ADCY2: variants seen among roughly 807,000 people sequenced by gnomAD.
ADCY2 encodes the protein adenylate cyclase 2, also known as adenylate cyclase type 2.
A neutral mutation model predicts 125.2 loss-of-function variants in ADCY2; 31 were observed. The observed-to-expected ratio is 0.25, with a 90% confidence interval of 0.19 to 0.33. The LOEUF is 0.33. ADCY2 is among the 10% of genes least tolerant of loss of function. The probability of loss-of-function intolerance (pLI) is 1.00; values close to 1 mark genes in which losing one functional copy is unlikely to be tolerated. For missense variants in ADCY2, 904 were observed against 1,418.2 expected, an observed-to-expected ratio of 0.64 and a Z score of 5.82; for synonymous variants, 512 against 548.4, an observed-to-expected ratio of 0.93 and a Z score of 0.93.
intron 14 of ADCY2, among the ~76,000 whole-genome samples, chr5:7,733,696 T>C (rs1214201903): frequency 6.6e-6 from 1 of 152,144 alleles, no homozygotes; most frequent in South Asian, 2.1e-4. Flanking sequence ...CTATGTAGTA[T>C]TTAAATCCAA....
chr5:7,458,546 C>G (rs1741796005), intron 2 of ADCY2, among the ~76,000 whole-genome samples: 1 of 152,054 alleles, frequency 6.6e-6, no homozygotes, highest in African/African-American at 2.4e-5. Context: ...TGTCAGTCTG[C>G]TCTGAACTTC....
chr5:7,488,276 C>T (rs1169879817), intron 2 of ADCY2, among the ~76,000 whole-genome samples: 1 of 152,194 alleles, frequency 6.6e-6, no homozygotes, highest in East Asian at 1.9e-4. Flanking sequence ...CACCCGTTTG[C>T]TCTTCCTTCG....
chr5:7,817,014 G>T, intron 23 of ADCY2, 34 bp downstream of exon 23: 1 of 1,538,606 alleles, frequency 6.5e-7, no homozygotes, highest in Non-Finnish European at 9.0e-7. Flanking sequence ...GGTTTCAGTT[G>T]TGGCAAAGAT....
chr5:7,414,518 G>A (rs1739859121), intron 1 of ADCY2, 55 bp from the exon 2 acceptor site: 1 of 1,387,616 alleles, frequency 7.2e-7, no homozygotes, highest in Non-Finnish European at 9.8e-7. Flanking sequence ...ATAAATCATT[G>A]GTATCACAGT....
chr5:7,765,617 ATTAGT>A (rs1743352004), intron 16 of ADCY2, among the ~76,000 whole-genome samples: 3 of 152,230 alleles, frequency 2.0e-5, no homozygotes, highest in African/African-American at 4.8e-5. Context: ...GTCCAAATAA[ATTAGT>A]TTAGGTATTT....
intron 3 of ADCY2, among the ~76,000 whole-genome samples, chr5:7,580,454 A>G (rs1736393842): frequency 6.6e-6 from 1 of 152,202 alleles, no homozygotes; most frequent in Non-Finnish European, 1.5e-5. Flanking sequence ...ATGTTAATAT[A>G]TTAATGAGTG....
chr5:7,716,218 A>G (rs1293568435), intron 11 of ADCY2, among the ~76,000 whole-genome samples: 2 of 152,186 alleles, frequency 1.3e-5, no homozygotes, highest in Admixed American at 6.5e-5. Context: ...TTTTCTGTGA[A>G]TAGTGCTTTG....
intron 4 of ADCY2, among the ~76,000 whole-genome samples, chr5:7,682,373 A>G (rs557702713): frequency 1.3e-5 from 2 of 152,276 alleles, no homozygotes; most frequent in African/African-American, 4.8e-5. Context: ...TTTAAGGTGA[A>G]AGTTAGCAGA....
chr5:7,726,868 C>T (rs944000176), intron 13 of ADCY2, among the ~76,000 whole-genome samples: 1 of 152,304 alleles, frequency 6.6e-6, no homozygotes, highest in Non-Finnish European at 1.5e-5. Context: ...TTCACTCACT[C>T]AACCTTCTGG....
intron 2 of ADCY2, among the ~76,000 whole-genome samples, chr5:7,429,587 T>C (rs1579435254): frequency 6.6e-6 from 1 of 152,146 alleles, no homozygotes; most frequent in East Asian, 1.9e-4. Flanking sequence ...TGGACTTAAA[T>C]TACAAATCAA....
At chr5:7,626,004 A>G (rs1416854170) in intron 3 of ADCY2, among the ~76,000 whole-genome samples, 163 bp from the exon 4 acceptor site, 2 of 152,238 alleles carry the variant, frequency 1.3e-5, no homozygotes, top group Non-Finnish European at 2.9e-5. Context: ...CTGGAGATTG[A>G]TGTTTTCTGT....
intron 5 of ADCY2, among the ~76,000 whole-genome samples, chr5:7,693,852 G>A (rs745388923): frequency 6.4e-4 from 98 of 152,196 alleles, no homozygotes; most frequent in Non-Finnish European, 1.2e-3. Context: ...TGTGGATGAC[G>A]TGAGCAAGAA....
Position 7,544,000 on chromosome 5 carries a change from C to T in ADCY2, c.570+23101C>T, listed in dbSNP as rs886845379. Among the ~76,000 whole-genome samples the T allele has an allele frequency of 4.0e-4, 46 of 115,716 alleles. No individual in the cohort carries two copies. The Admixed American group carries it at 5.4e-3, about 14-fold the overall frequency. The allele number at this position is 115,716 out of a possible 152,430, so 75.9% of individuals were successfully genotyped here. A position where few individuals can be genotyped will look rare whatever the true frequency, so the allele number is the denominator to read the frequency against. Reference sequence around the variant, plus strand: ...CTGCACTCCAGCCTGGGTGACAGAGCGAGACTCCGTCTCAAAAAAAAAAAA... The same window carrying T: ...CTGCACTCCAGCCTGGGTGACAGAGTGAGACTCCGTCTCAAAAAAAAAAAA... On this transcript the variant is annotated intron_variant, in intron 3 of 24. Coordinates refer to ENST00000338316, the MANE Select transcript of ADCY2 (RefSeq NM_020546.3).
intron 18 of ADCY2, among the ~76,000 whole-genome samples, chr5:7,777,113 C>T (rs139644032): frequency 5.7e-4 from 86 of 152,126 alleles, no homozygotes; most frequent in Non-Finnish European, 1.0e-3. Context: ...CCAACTAATA[C>T]ATAGACCTCC....
chr5:7,764,255 C>A (rs141283230), intron 16 of ADCY2, among the ~76,000 whole-genome samples: 42 of 152,288 alleles, frequency 2.8e-4, no homozygotes, highest in African/African-American at 9.9e-4. Flanking sequence ...ATCTTAGTCT[C>A]CAGCTAGCTG....
chr5:7,599,121 G>A (rs1737112533), intron 3 of ADCY2, among the ~76,000 whole-genome samples: 2 of 152,034 alleles, frequency 1.3e-5, no homozygotes, highest in Non-Finnish European at 2.9e-5. Context: ...GGGGACAGAT[G>A]GATTTGTACA....
At chr5:7,468,961 A>G (rs894087041) in intron 2 of ADCY2, among the ~76,000 whole-genome samples, 4 of 152,164 alleles carry the variant, frequency 2.6e-5, no homozygotes, top group African/African-American at 9.6e-5. Context: ...ACAGTATTTG[A>G]TTAACCCATA....
intron 2 of ADCY2, among the ~76,000 whole-genome samples, chr5:7,419,328 T>C (rs1593933): frequency 0.34 from 51,664 of 151,996 alleles, 10,089 homozygotes; most frequent in African/African-American, 0.52. Context: ...AGAATACAGA[T>C]GCACTTTGGC....
chr5:7,468,518 T>C (rs1742214402), intron 2 of ADCY2, among the ~76,000 whole-genome samples: 2 of 152,310 alleles, frequency 1.3e-5, no homozygotes, highest in South Asian at 2.1e-4. Context: ...GATTGTTTTT[T>C]CAGTTTTATG....
Sources: gnomAD v4.1 joint callset for allele counts (sites outside exome capture counted in the v4.1 genomes callset) on GRCh38, gnomAD v4.1.1 for gene constraint, MANE v1.5 for transcripts, NCBI Gene and HGNC (gene_info 2026-07-23, HGNC 2026-07-21) for gene names.